AMZ1: variants seen among roughly 807,000 people sequenced by gnomAD.
AMZ1 encodes archaelysin family metallopeptidase 1, also known as archaemetzincin-1.
In AMZ1, 39 loss-of-function variants were observed where a neutral mutation model predicts 29.9. The ratio of observed to expected loss-of-function variants is 1.30; its 90% CI spans 1.01 to 1.70. AMZ1 has a LOEUF of 1.70. Among genes scored for constraint, AMZ1 ranks in the 40% most tolerant of loss-of-function variants. The pLI, the probability that AMZ1 is intolerant of heterozygous loss-of-function variation, is 0.00. For synonymous variants in AMZ1, 458 were observed against 304.0 expected, an observed-to-expected ratio of 1.51 and a Z score of -5.27; for missense variants, 1,041 against 680.6, an observed-to-expected ratio of 1.53 and a Z score of -5.89.
At chr7:2,737,274 GTTT>G (rs1041056812) in intron 4 of AMZ1, among the ~76,000 whole-genome samples, 2 of 35,032 alleles carry the variant, frequency 5.7e-5, no homozygotes, top group Non-Finnish European at 1.2e-4. Flanking sequence ...GTTTTGTTTT[GTTT>G]TTTTTTTTTT....
Position 2,718,543 on chromosome 7 carries a change from G to A in AMZ1, c.*5665G>A, listed in dbSNP as rs1293655487. On this transcript the variant is annotated 3_prime_UTR_variant, in exon 7 of 7. Coordinates refer to ENST00000683327, the MANE Select transcript of AMZ1 (RefSeq NM_001384743.1). Reference sequence around the variant, plus strand: ...GCAGCCGCGGGCGCCCACTCACCTGGCACGTGGACGAAGGTGATGAGCGCG... The same window carrying A: ...GCAGCCGCGGGCGCCCACTCACCTGACACGTGGACGAAGGTGATGAGCGCG... Among the ~76,000 whole-genome samples the A allele has an allele frequency of 6.6e-6, 1 of 152,228 alleles. No homozygotes were observed. Among genetic ancestry groups the A allele is most frequent in the African/African-American group, 2.4e-5 (1 of 41,458 alleles).
intron 4 of AMZ1, among the ~76,000 whole-genome samples, chr7:2,741,077 CA>C (rs1217516257): frequency 6.6e-6 from 1 of 151,548 alleles, no homozygotes; most frequent in Admixed American, 6.6e-5. Flanking sequence ...AACAAATAAT[CA>C]AACAAAAAAC....
chr7:2,752,949 A>G (rs1238198583), intron 4 of AMZ1, among the ~76,000 whole-genome samples: 1 of 152,184 alleles, frequency 6.6e-6, no homozygotes, highest in Non-Finnish European at 1.5e-5. Context: ...ACTGCAATCA[A>G]GAGACACAAC....
intron 1 of AMZ1, among the ~76,000 whole-genome samples, chr7:2,696,457 C>T (rs1415450212): frequency 1.6e-4 from 24 of 149,644 alleles, no homozygotes; most frequent in South Asian, 4.5e-4. Context: ...CGGGGTTTCA[C>T]CATGTTAGCC....
chr7:2,716,920 A>G lies in AMZ1; in HGVS notation c.*4042A>G, dbSNP rs1202639980. ...CTCAGAAACGGCAGAGCGGAAGTTG[A>G]GGCGCAGTCTGTTCTTGCTTGAACC... On this transcript the variant is annotated 3_prime_UTR_variant, in exon 7 of 7. Coordinates refer to ENST00000683327, the MANE Select transcript of AMZ1 (RefSeq NM_001384743.1). Among the ~76,000 whole-genome samples, 1 of 152,210 alleles carries G rather than the reference A, an allele frequency of 6.6e-6. No homozygotes were observed. The highest frequency in any genetic ancestry group is 1.5e-5 in the Non-Finnish European group (1 of 68,044).
intron 4 of AMZ1, among the ~76,000 whole-genome samples, chr7:2,735,381 G>C (rs758839840): frequency 3.3e-5 from 5 of 152,208 alleles, no homozygotes; most frequent in Non-Finnish European, 5.9e-5. Context: ...TTCTAGCTGG[G>C]TCAGGCATGG....
chr7:2,730,803 T>C (rs1304439078), intron 4 of AMZ1: 2 of 174,098 alleles, frequency 1.1e-5, no homozygotes, highest in Non-Finnish European at 2.5e-5. Flanking sequence ...GGTTTTTGTG[T>C]TTCTGTCATT....
chr7:2,742,293 G>T (rs1583220848), intron 4 of AMZ1, among the ~76,000 whole-genome samples: 1 of 152,138 alleles, frequency 6.6e-6, no homozygotes, highest in Non-Finnish European at 1.5e-5. Context: ...TGGGATTACA[G>T]GTGTGAGCCA....
chr7:2,722,843 G>A (rs1275491104), downstream of AMZ1, among the ~76,000 whole-genome samples: 1 of 152,062 alleles, frequency 6.6e-6, no homozygotes. Flanking sequence ...TGCGGGTGGT[G>A]GCCACATGCC....
intron 1 of AMZ1, among the ~76,000 whole-genome samples, chr7:2,689,868 A>C (rs1787283370): frequency 6.6e-6 from 1 of 152,126 alleles, no homozygotes. Flanking sequence ...GCTGACCCCC[A>C]CTAAGGCGGC....
chr7:2,697,669 C>T (rs1787825293), intron 1 of AMZ1, among the ~76,000 whole-genome samples: 1 of 151,968 alleles, frequency 6.6e-6, no homozygotes, highest in Admixed American at 6.6e-5. Flanking sequence ...AAGTGATCCA[C>T]CCGCCTCAGC....
upstream of AMZ1, among the ~76,000 whole-genome samples, chr7:2,764,093 C>G (rs894915639): frequency 6.6e-6 from 1 of 152,090 alleles, no homozygotes; most frequent in Non-Finnish European, 1.5e-5. Flanking sequence ...GGTTTTGAGA[C>G]AGGGTCTCAC....
intron 4 of AMZ1, among the ~76,000 whole-genome samples, chr7:2,743,120 G>A (rs1017667827): frequency 2.6e-4 from 40 of 152,224 alleles, no homozygotes; most frequent in Non-Finnish European, 4.6e-4. Context: ...AAGAGTCAGT[G>A]AGGGAGACCT....
chr7:2,709,830 T>C lies in AMZ1; in HGVS notation c.948+14T>C, dbSNP rs756401245. 6.2e-7 allele frequency: 1 copy of C among 1,610,712 alleles called. No individual in the cohort carries two copies. The highest frequency in any genetic ancestry group is 2.2e-5 in the East Asian group (1 of 44,822). On this transcript the variant is annotated intron_variant, in intron 6 of 6. Transcript: ENST00000683327. ...GAGAGGTACCAGGTGAGTGGCTGAG[T>C]TGCGCTGCCCGGCTGCTGGGACCTG...
intron 4 of AMZ1, among the ~76,000 whole-genome samples, chr7:2,758,799 T>C (rs897712298): frequency 1.3e-5 from 2 of 152,108 alleles, no homozygotes; most frequent in African/African-American, 2.4e-5. Context: ...ACTCATCTAA[T>C]AGAACACCAC....
intron 4 of AMZ1, among the ~76,000 whole-genome samples, chr7:2,752,140 T>C (rs1048522291): frequency 3.3e-5 from 5 of 151,930 alleles, no homozygotes; most frequent in South Asian, 4.2e-4. Context: ...AAAATGTCAA[T>C]AGAAGACAGC....
intron 4 of AMZ1, among the ~76,000 whole-genome samples, chr7:2,744,312 G>T (rs1306105670): frequency 6.6e-6 from 1 of 152,186 alleles, no homozygotes; most frequent in Non-Finnish European, 1.5e-5. Context: ...GTACTCCTCT[G>T]AGACAAAACT....
At position 2,736,290 on chromosome 7, in the gene AMZ1, G is replaced by A. The variant is rs144443232; in HGVS notation, n.550+26474G>A. Among the ~76,000 whole-genome samples, 267 of 152,276 alleles carry A rather than the reference G, an allele frequency of 1.8e-3. 1 individual carries two copies. Among genetic ancestry groups the A allele is most frequent in the African/African-American group, 6.0e-3 (250 of 41,548 alleles). On this transcript the variant is annotated intron_variant and non_coding_transcript_variant, in intron 4 of 4. Transcript: ENST00000489665. ...CTGCGGTCACACGATCTAGAAACAC[G>A]AGTGGATCCAAAGTGGGCTCTCGGG... is the stretch of plus-strand genomic sequence containing the variant.
At chr7:2,711,099 G>A (rs1024832217) in intron 6 of AMZ1, among the ~76,000 whole-genome samples, 11 of 152,222 alleles carry the variant, frequency 7.2e-5, no homozygotes, top group African/African-American at 2.7e-4. Context: ...GCTGGAGGGT[G>A]TAGCTCCTCC....
Sources: gnomAD v4.1 joint callset for allele counts (sites outside exome capture counted in the v4.1 genomes callset) on GRCh38, gnomAD v4.1.1 for gene constraint, MANE v1.5 for transcripts, NCBI Gene and HGNC (gene_info 2026-07-23, HGNC 2026-07-21) for gene names.